The following SHANK2 variants were observed in gnomAD, a reference collection of about 807,000 sequenced individuals.
SHANK2 encodes the protein SH3 and multiple ankyrin repeat domains 2, also known as SH3 and multiple ankyrin repeat domains protein 2.
Under a neutral mutation model 133.7 loss-of-function variants are expected in SHANK2, and 43 were observed. The observed-to-expected ratio is 0.32, with a 90% CI of 0.25 to 0.41. SHANK2 has a LOEUF of 0.41. SHANK2 is among the 10% of genes least tolerant of loss of function. The pLI, the probability that SHANK2 is intolerant of heterozygous loss-of-function variation, is 1.00. For missense variants in SHANK2, 1,994 were observed against 2,235.8 expected, an observed-to-expected ratio of 0.89 and a Z score of 2.18; for synonymous variants, 1,017 against 952.8, an observed-to-expected ratio of 1.07 and a Z score of -1.24.
intron 25 of SHANK2, among the ~76,000 whole-genome samples, chr11:70,482,995 C>T (rs371614326): frequency 1.3e-5 from 2 of 152,158 alleles, no homozygotes; most frequent in East Asian, 1.9e-4. Flanking sequence ...TCTCCATGGA[C>T]GGGGTCCCTG....
chr11:71,244,047 A>G (rs1282900899), intron 1 of SHANK2, among the ~76,000 whole-genome samples: 1 of 152,192 alleles, frequency 6.6e-6, no homozygotes, highest in African/African-American at 2.4e-5. Context: ...CCAAAACCAG[A>G]CTTCAAAAGA....
intron 12 of SHANK2, among the ~76,000 whole-genome samples, chr11:70,810,857 C>G (rs1202654219): frequency 6.6e-6 from 1 of 152,190 alleles, no homozygotes; most frequent in Admixed American, 6.5e-5. Context: ...CAGGCTGGAC[C>G]GGCAGCAGCC....
intron 11 of SHANK2, among the ~76,000 whole-genome samples, chr11:70,824,846 A>C (rs1948613851): frequency 6.6e-6 from 1 of 152,210 alleles, no homozygotes; most frequent in Non-Finnish European, 1.5e-5. Flanking sequence ...CAAAGGGCTG[A>C]TGAGCCCACA....
rs140370412 is a variant in SHANK2, at chr11:70,533,517, C to T, written c.2062-30586G>A. Among the ~76,000 whole-genome samples, 37 of 152,290 alleles carry T rather than the reference C, an allele frequency of 2.4e-4. No individual in the cohort carries two copies. The East Asian group carries it at 6.4e-3, about 26-fold the overall frequency. On this transcript the variant is annotated intron_variant, in intron 17 of 25. Coordinates refer to ENST00000601538, the MANE Select transcript of SHANK2 (RefSeq NM_012309.5). ...CCTAGCTCCAATCACAACCCGGGGG[C>T]CCATGTCATCTGGCCCCTCCCCCTG...
chr11:70,764,280 T>C (rs1591823796), intron 14 of SHANK2, among the ~76,000 whole-genome samples: 2 of 144,290 alleles, frequency 1.4e-5, no homozygotes, highest in African/African-American at 5.1e-5. Flanking sequence ...CACACATCCA[T>C]GCATCCATTC....
At chr11:71,229,777 AAAAAAG>A in intron 1 of SHANK2, among the ~76,000 whole-genome samples, 1 of 151,830 alleles carries the variant, frequency 6.6e-6, no homozygotes, top group Admixed American at 6.5e-5. Flanking sequence ...AAAAAAAAAA[AAAAAAG>A]AAAAAGAAAA....
intron 17 of SHANK2, among the ~76,000 whole-genome samples, chr11:70,573,322 G>GC (rs2060072161): frequency 1.0e-5 from 1 of 97,526 alleles, no homozygotes; most frequent in African/African-American, 3.9e-5. Context: ...CCAGCGGTGG[G>GC]GGGGGGGGGC....
chr11:70,844,546 A>G (rs1555062649), intron 11 of SHANK2, among the ~76,000 whole-genome samples: 1 of 151,910 alleles, frequency 6.6e-6, no homozygotes, highest in Non-Finnish European at 1.5e-5. Flanking sequence ...ACTGCCCTTC[A>G]CTCCCCACAC....
chr11:71,113,848 C>T (rs1238700320), intron 4 of SHANK2, among the ~76,000 whole-genome samples: 2 of 152,228 alleles, frequency 1.3e-5, no homozygotes, highest in African/African-American at 4.8e-5. Context: ...CAACCTCTGC[C>T]CAGATCGCTG....
chr11:71,096,702 T>C (rs1590907061), intron 6 of SHANK2, among the ~76,000 whole-genome samples: 1 of 152,220 alleles, frequency 6.6e-6, no homozygotes. Flanking sequence ...GGGGCAAGGT[T>C]AGCCTTCAAA....
At chr11:70,508,809 A>G (rs1360685302) in intron 17 of SHANK2, among the ~76,000 whole-genome samples, 2 of 152,140 alleles carry the variant, frequency 1.3e-5, no homozygotes, top group East Asian at 1.9e-4. Flanking sequence ...GGATCACCTG[A>G]GCTCTGGAGG....
intron 14 of SHANK2, among the ~76,000 whole-genome samples, chr11:70,778,238 G>A (rs1015586948): frequency 5.9e-5 from 9 of 152,228 alleles, no homozygotes; most frequent in Non-Finnish European, 1.2e-4. Flanking sequence ...GACCTAAAGA[G>A]GCTTCTAAAT....
chr11:70,674,155 G>T (rs1381704944), intron 15 of SHANK2, among the ~76,000 whole-genome samples: 1 of 152,108 alleles, frequency 6.6e-6, no homozygotes, highest in Admixed American at 6.5e-5. Flanking sequence ...GCTCCCCTTA[G>T]CCTTCCGCCA....
chr11:71,129,621 G>A (rs1169242756), intron 3 of SHANK2, among the ~76,000 whole-genome samples: 1 of 152,170 alleles, frequency 6.6e-6, no homozygotes, highest in Non-Finnish European at 1.5e-5. Context: ...TCCAGCCTGG[G>A]TGACAGAGCA....
At position 70,530,833 on chromosome 11, in the gene SHANK2, C is replaced by T. The variant is rs140448500; in HGVS notation, c.2062-27902G>A. Among the ~76,000 whole-genome samples the T allele has an allele frequency of 2.2e-3, 339 of 152,138 alleles. 3 individuals are homozygous for T. The highest frequency in any genetic ancestry group is 0.02 in the Middle Eastern group (6 of 294). Reference sequence around the variant, plus strand: ...CTGAGATGGATAGTGGTGACGATTGCACAACAATGTAAGTATACTGAAGTG... The same window carrying T: ...CTGAGATGGATAGTGGTGACGATTGTACAACAATGTAAGTATACTGAAGTG... On this transcript the variant is annotated intron_variant, in intron 17 of 25. Coordinates refer to ENST00000601538, the MANE Select transcript of SHANK2 (RefSeq NM_012309.5).
chr11:71,155,076 C>T (rs1301668779), intron 2 of SHANK2, among the ~76,000 whole-genome samples: 1 of 126,364 alleles, frequency 7.9e-6, no homozygotes, highest in East Asian at 2.6e-4. Context: ...CCCACGCTCC[C>T]GGAGGAGGGG....
chr11:70,804,022 T>C lies in SHANK2; in HGVS notation c.1663+2980A>G, dbSNP rs536763931. ...CTGAAAGAGCCAGGAGCAGCAGTGTTATCAGCAGGACCCCAGGGCCACCCT... is the reference window on the plus strand; with the variant it reads ...CTGAAAGAGCCAGGAGCAGCAGTGTCATCAGCAGGACCCCAGGGCCACCCT... On this transcript the variant is annotated intron_variant, in intron 13 of 25. Transcript: ENST00000601538. This position sits in a 1 kb window ranked among gnomAD's most constrained non-coding sequence, Gnocchi z 4.1. Among the ~76,000 whole-genome samples, 1 of 152,122 alleles carries C rather than the reference T, an allele frequency of 6.6e-6. No homozygotes were observed. The highest frequency in any genetic ancestry group is 2.1e-4 in the South Asian group (1 of 4,816).
chr11:70,879,761 C>T (rs1049834495), intron 11 of SHANK2, among the ~76,000 whole-genome samples: 7 of 152,316 alleles, frequency 4.6e-5, no homozygotes, highest in Admixed American at 6.5e-5. Context: ...CAGCAGGACA[C>T]CGGCGGTGGG....
chr11:71,099,360 G>A (rs1484836108), intron 6 of SHANK2, among the ~76,000 whole-genome samples: 5 of 152,118 alleles, frequency 3.3e-5, no homozygotes, highest in African/African-American at 4.8e-5. Context: ...TACGACTTCC[G>A]CTCAGAAGAA....
Sources: allele counts gnomAD v4.1 joint callset (sites outside exome capture counted in the v4.1 genomes callset), GRCh38; gene constraint gnomAD v4.1.1; non-coding constraint Gnocchi (gnomAD v3.1); transcripts MANE v1.5; gene names NCBI Gene and HGNC (gene_info 2026-07-23, HGNC 2026-07-21).